The following CHAC2 variants were observed in gnomAD, a reference collection of about 807,000 sequenced individuals.
CHAC2 encodes the protein glutathione-specific gamma-glutamylcyclotransferase 2.
Under a neutral mutation model 16.9 loss-of-function variants are expected in CHAC2, and 20 were observed. The ratio of observed to expected loss-of-function variants is 1.18; its 90% confidence interval spans 0.83 to 1.72. The LOEUF (loss-of-function observed/expected upper bound fraction) is 1.72. Among genes scored for constraint, CHAC2 ranks in the 40% most tolerant of loss-of-function variants. The pLI, the probability that CHAC2 is intolerant of heterozygous loss-of-function variation, is 0.00. For missense variants in CHAC2, 269 were observed against 222.2 expected (o/e 1.21, Z -1.34); for synonymous variants, 91 against 77.3 (o/e 1.18, Z -0.93).
intron 1 of CHAC2, among the ~76,000 whole-genome samples, chr2:53,771,434 G>A (rs1359604733): frequency 1.3e-5 from 2 of 152,066 alleles, no homozygotes; most frequent in African/African-American, 4.8e-5. Context: ...AATTGCTTGA[G>A]CCCGAGAGTT....
At chr2:53,769,238 C>T (rs1023053766) in intron 1 of CHAC2, among the ~76,000 whole-genome samples, 4 of 152,174 alleles carry the variant, frequency 2.6e-5, no homozygotes, top group African/African-American at 4.8e-5. Context: ...TGGCTGGGCC[C>T]GGTAGCTCAC....
At chr2:53,774,087 T>G in intron 2 of CHAC2, 55 bp from the exon 3 acceptor site, 3 of 1,485,996 alleles carry the variant, frequency 2.0e-6, no homozygotes, top group Non-Finnish European at 2.7e-6. Context: ...CAACCTTTCT[T>G]CACCTATTTT....
Position 53,774,484 on chromosome 2 carries a change from A to G in CHAC2, c.514A>G (p.Lys172Glu). ...TCTTTTCGCTTTGGAAAAATTAGTA[A>G]AGGAACGTTTAGAAGGGAAACAGAA... ...EHLFALEKLVKERLEGKQNLN... is the reference protein window; with the variant it reads ...EHLFALEKLVEERLEGKQNLN... Residue 172 changes from lysine (K) to glutamate (E), a missense_variant, in exon 3 of 3, where the codon AAG (lysine) becomes GAG (glutamate). By Grantham distance (56) the Lys-to-Glu change is moderately conservative. Coordinates refer to ENST00000295304, the MANE Select transcript of CHAC2 (RefSeq NM_001008708.4). 1 of 1,582,626 alleles carries G rather than the reference A, an allele frequency of 6.3e-7. No individual in the cohort carries two copies. Among genetic ancestry groups the G allele is most frequent in the Non-Finnish European group, 8.6e-7 (1 of 1,168,646 alleles).
intron 1 of CHAC2, 27 bp from the exon 2 acceptor site, chr2:53,771,880 A>T (rs769155200): frequency 6.8e-7 from 1 of 1,481,264 alleles, no homozygotes; most frequent in Admixed American, 1.9e-5. Context: ...TAATTCAGAA[A>T]AATTTTTTTT....
chr2:53,768,747 T>A (rs1225672333), intron 1 of CHAC2, among the ~76,000 whole-genome samples: 1 of 152,236 alleles, frequency 6.6e-6, no homozygotes, highest in Non-Finnish European at 1.5e-5. Context: ...GATTCACTTT[T>A]CAGTCAGTCC....
rs1558575402 is a variant in CHAC2 at position 53,773,322 on chromosome 2, C to CAAAGA, written c.172-820_172-819insAAAGA. ...TTTAAGATAAAATATCTTGCTGTGC[C>CAAAGA]TATGATACAAAGAAATTATTCACAA... On this transcript the variant is annotated intron_variant, in intron 2 of 2. Transcript: ENST00000295304. 6.8e-3 allele frequency among the ~76,000 whole-genome samples: 1,031 copies of CAAAGA among 152,136 alleles called. 12 individuals are homozygous for CAAAGA. Among genetic ancestry groups the CAAAGA allele is most frequent in the African/African-American group, 0.023 (959 of 41,506 alleles).
At position 53,767,968 on chromosome 2, in the gene CHAC2, T is replaced by A; in HGVS notation, c.82T>A (p.Tyr28Asn). 6.2e-7 allele frequency: 1 copy of A among 1,614,122 alleles called. No homozygotes were observed. The highest frequency in any genetic ancestry group is 8.5e-7 in the Non-Finnish European group (1 of 1,180,002). The part of the protein sequence containing the change: ...QDKLVGYITN[Y>N]SRRFWQGSTD... ...CAAGCTGGTCGGATACATCACCAAC[T>A]ACAGCAGGCGCTTCTGGCAGGGCAG... Residue 28 changes from tyrosine to asparagine, a missense_variant, in exon 1 of 3, where the codon TAC (tyrosine) becomes AAC (asparagine). Coordinates refer to ENST00000295304, the MANE Select transcript of CHAC2 (RefSeq NM_001008708.4).
In CHAC2 at chr2:53,774,790, G is replaced by A. The variant is rs970786602; in HGVS notation, c.*265G>A. Reference sequence around the variant, plus strand: ...TTAGAAAAATACAGTGAAGGACTCAGTTCAGTCTTGTTTTTATCAGAGTGA... The same window carrying A: ...TTAGAAAAATACAGTGAAGGACTCAATTCAGTCTTGTTTTTATCAGAGTGA... On this transcript the variant is annotated 3_prime_UTR_variant, in exon 3 of 3. Coordinates refer to ENST00000295304, the MANE Select transcript of CHAC2 (RefSeq NM_001008708.4). 25 of 284,248 alleles carry A rather than the reference G, an allele frequency of 8.8e-5. No individual in the cohort carries two copies. Among genetic ancestry groups the A allele is most frequent in the African/African-American group, 4.2e-4 (19 of 45,640 alleles). 17.6% of individuals were successfully genotyped at this position (284,248 alleles called of 1,614,324 possible).
At chr2:53,768,460 C>T (rs1045219554) in intron 1 of CHAC2, among the ~76,000 whole-genome samples, 1 of 152,184 alleles carries the variant, frequency 6.6e-6, no homozygotes, top group African/African-American at 2.4e-5. Flanking sequence ...GCATTCTAGC[C>T]GACTTTCATG....
intron 1 of CHAC2, 36 bp downstream of exon 1, chr2:53,768,057 C>T (rs1558571050): frequency 7.5e-6 from 12 of 1,607,182 alleles, no homozygotes; most frequent in East Asian, 6.7e-5. Context: ...CTTACTGCCC[C>T]CTGACCCCTG....
chr2:53,768,539 C>T (rs1673662280), intron 1 of CHAC2, among the ~76,000 whole-genome samples: 1 of 152,168 alleles, frequency 6.6e-6, no homozygotes. Context: ...TATTTTCTGA[C>T]ACACAGGATT....
At chr2:53,772,617 T>A (rs527515322) in intron 2 of CHAC2, among the ~76,000 whole-genome samples, 1 of 152,106 alleles carries the variant, frequency 6.6e-6, no homozygotes, top group African/African-American at 2.4e-5. Context: ...TTGCTACCAG[T>A]CTCATTTTCA....
Position 53,774,643 on chromosome 2 carries a change from G to A in CHAC2, c.*118G>A, listed in dbSNP as rs537268578. The A allele has an allele frequency of 2.1e-5, 15 of 708,218 alleles. No individual in the cohort carries two copies. The highest frequency in any genetic ancestry group is 1.1e-4 in the Admixed American group (3 of 27,416). The allele number at this position is 708,218 out of a possible 1,614,324, so 43.9% of individuals were successfully genotyped here. A position where few individuals can be genotyped will look rare whatever the true frequency, so the allele number is the denominator to read the frequency against. The stretch of plus-strand genomic sequence containing the variant: ...ATTATTTAAACTTTTATTTTAACTG[G>A]AAATGTCCTGAAACACATATTTAAA... On this transcript the variant is annotated 3_prime_UTR_variant, in exon 3 of 3. Transcript: ENST00000295304.
intron 2 of CHAC2, among the ~76,000 whole-genome samples, chr2:53,772,453 C>A (rs1453030305): frequency 6.6e-6 from 1 of 152,140 alleles, no homozygotes; most frequent in Non-Finnish European, 1.5e-5. Context: ...GGATTACAGG[C>A]ATGAGCCACC....
rs145424430 is a variant in CHAC2, at chr2:53,774,424, A to G, written c.454A>G (p.Ile152Val). ...TEYLFELANS[I>V]RNLVPEEADE... ...ATATCTTTTTGAACTTGCAAATTCT[A>G]TTAGGAACCTTGTGCCAGAAGAAGC... is the stretch of plus-strand genomic sequence containing the variant. The change falls in exon 3 of 3, where the codon ATT becomes GTT. Residue 152 changes from isoleucine (I) to valine (V), a missense_variant. Physicochemically the swap from Ile to Val is conservative, Grantham distance 29. Transcript: ENST00000295304. The G allele has an allele frequency of 4.6e-4, 743 of 1,612,054 alleles. No individual in the cohort carries two copies. Among genetic ancestry groups the G allele is most frequent in the Admixed American group, 7.9e-4 (47 of 59,606 alleles).
chr2:53,767,866 G>A lies in CHAC2; in HGVS notation c.-21G>A. 2 of 1,594,982 alleles carry A rather than the reference G, an allele frequency of 1.3e-6. No individual in the cohort carries two copies. Among genetic ancestry groups the A allele is most frequent in the Non-Finnish European group, 1.7e-6 (2 of 1,170,800 alleles). ...CGACAGCTAGGGTTCACGGCCACTG[G>A]GGCAGAGGAGCCGCGAGAAGATGTG... On this transcript the variant is annotated 5_prime_UTR_variant, in exon 1 of 3. Coordinates refer to ENST00000295304, the MANE Select transcript of CHAC2 (RefSeq NM_001008708.4).
intron 2 of CHAC2, among the ~76,000 whole-genome samples, chr2:53,773,412 G>A (rs2104166054): frequency 6.6e-6 from 1 of 151,540 alleles, no homozygotes; most frequent in African/African-American, 2.4e-5. Flanking sequence ...TTTAAGTGAA[G>A]AAAAACTGTA....
intron 1 of CHAC2, among the ~76,000 whole-genome samples, chr2:53,768,782 T>C (rs897509913): frequency 2.0e-5 from 3 of 152,208 alleles, no homozygotes; most frequent in Non-Finnish European, 4.4e-5. Flanking sequence ...TCTCAATATA[T>C]GTATAGAGAA....
intron 1 of CHAC2, 105 bp from the exon 2 acceptor site, chr2:53,771,802 G>A: frequency 5.4e-6 from 4 of 738,722 alleles, no homozygotes; most frequent in Non-Finnish European, 9.6e-6. Context: ...TGCTTCTTAT[G>A]AGCAAATATA....
Sources: allele counts gnomAD v4.1 joint callset (sites outside exome capture counted in the v4.1 genomes callset), GRCh38; gene constraint gnomAD v4.1.1; transcripts MANE v1.5; gene names NCBI Gene and HGNC (gene_info 2026-07-23, HGNC 2026-07-21).